Variants in TOP1MT observed in about 807,000 individuals in gnomAD.
TOP1MT encodes DNA topoisomerase I mitochondrial.
Under a neutral mutation model 73.9 loss-of-function variants are expected in TOP1MT, and 80 were observed. The ratio of observed to expected loss-of-function variants is 1.08; its 90% CI spans 0.90 to 1.30. The LOEUF (loss-of-function observed/expected upper bound fraction) is 1.30. Among genes scored for constraint, TOP1MT ranks in the 50% most tolerant of loss-of-function variants. The probability of loss-of-function intolerance (pLI) is 0.00; values close to 1 mark genes in which losing one functional copy is unlikely to be tolerated. For missense variants in TOP1MT, 815 were observed against 808.0 expected (o/e 1.01, Z -0.10); for synonymous variants, 338 against 326.4 (o/e 1.04, Z -0.38).
At chr8:143,336,998 C>T (rs1255837133), upstream of TOP1MT, among the ~76,000 whole-genome samples, 2 of 152,114 alleles carry the variant, frequency 1.3e-5, no homozygotes, top group African/African-American at 4.8e-5. Flanking sequence ...AAATAAAATA[C>T]TGCACAATAA....
chr8:143,311,472 G>A (rs1273560868), intron 12 of TOP1MT, among the ~76,000 whole-genome samples: 1 of 152,196 alleles, frequency 6.6e-6, no homozygotes. Context: ...GCCAGGCCAG[G>A]AGCAGTGGCT....
chr8:143,335,292 C>T (rs1414327658), upstream of TOP1MT, among the ~76,000 whole-genome samples: 1 of 152,220 alleles, frequency 6.6e-6, no homozygotes, highest in African/African-American at 2.4e-5. Context: ...GAAGGGACCA[C>T]ACAGGCTCAG....
In TOP1MT at chr8:143,310,803, A is replaced by G. The variant is rs556642425; in HGVS notation, c.1554-586T>C. Among the ~76,000 whole-genome samples, 47 of 152,372 alleles carry G rather than the reference A, an allele frequency of 3.1e-4. No homozygotes were observed. In the South Asian group the frequency reaches 3.9e-3, roughly 13 times the overall value. On this transcript the variant is annotated intron_variant, in intron 12 of 13. Transcript: ENST00000329245. ...GGGCAGCCCGCCGGGCCAGAAGCAT[A>G]GGTCCGGGGAAGTGCCTTCCCAGCA...
upstream of TOP1MT, chr8:143,359,357 A>G (rs2130496923): frequency 1.0e-6 from 1 of 985,326 alleles, no homozygotes; most frequent in Non-Finnish European, 1.2e-6. Flanking sequence ...GAAAAGGCCA[A>G]CTCCGGGAAG....
At chr8:143,340,394 C>T (rs921176372) in intron 2 of TOP1MT, among the ~76,000 whole-genome samples, 1 of 151,878 alleles carries the variant, frequency 6.6e-6, no homozygotes, top group African/African-American at 2.4e-5. Context: ...GGGTAGGGTA[C>T]ACACCATTTC....
intron 12 of TOP1MT, among the ~76,000 whole-genome samples, chr8:143,314,963 C>T (rs1300837622): frequency 4.6e-5 from 7 of 152,146 alleles, no homozygotes; most frequent in African/African-American, 1.2e-4. Context: ...CTGTTATGCC[C>T]AGACAGGGCC....
At chr8:143,311,876 T>G (rs1437909759) in intron 12 of TOP1MT, among the ~76,000 whole-genome samples, 6 of 152,152 alleles carry the variant, frequency 3.9e-5, no homozygotes, top group Non-Finnish European at 7.3e-5. Flanking sequence ...TTAGACACCC[T>G]AGACTAAACA....
chr8:143,310,246 C>T (rs1381891944), intron 12 of TOP1MT, 29 bp from the exon 13 acceptor site: 9 of 1,474,258 alleles, frequency 6.1e-6, no homozygotes, highest in African/African-American at 1.4e-5. Flanking sequence ...GCCGCGAGGC[C>T]CCGCGCTGGA....
chr8:143,320,841 T>A (rs1319058461), intron 8 of TOP1MT, among the ~76,000 whole-genome samples: 1 of 152,162 alleles, frequency 6.6e-6, no homozygotes, highest in Admixed American at 6.5e-5. Flanking sequence ...TGCCAGCACC[T>A]TGACTCAGAC....
At chr8:143,337,949 G>A (rs779498085), upstream of TOP1MT, among the ~76,000 whole-genome samples, 5 of 152,082 alleles carry the variant, frequency 3.3e-5, no homozygotes, top group South Asian at 4.1e-4. Context: ...CCCCAGTTAC[G>A]TAGCCCCCAC....
chr8:143,322,631 CACACACACACGCCA>C (rs1816496757), intron 7 of TOP1MT, among the ~76,000 whole-genome samples: 1 of 37,664 alleles, frequency 2.7e-5, no homozygotes, highest in African/African-American at 2.3e-4. Flanking sequence ...ACAGGCACGT[CACACACACACGCCA>C]CACGCACACC....
At chr8:143,340,710 G>C (rs1248297872) in intron 2 of TOP1MT, among the ~76,000 whole-genome samples, 7 of 152,172 alleles carry the variant, frequency 4.6e-5, no homozygotes, top group African/African-American at 1.7e-4. Flanking sequence ...TCCAGGTCCT[G>C]AGCTTTTCAT....
upstream of TOP1MT, among the ~76,000 whole-genome samples, chr8:143,345,386 A>G (rs1215198126): frequency 6.6e-6 from 1 of 152,200 alleles, no homozygotes; most frequent in Admixed American, 6.5e-5. Context: ...TGGGCACAGG[A>G]GCCCAGCAAT....
chr8:143,352,499 T>C (rs781432388), intron 1 of TOP1MT, among the ~76,000 whole-genome samples: 2 of 152,176 alleles, frequency 1.3e-5, no homozygotes, highest in Non-Finnish European at 2.9e-5. Flanking sequence ...TTAGGCCTCT[T>C]CCTCACATCA....
In TOP1MT at chr8:143,309,395, A is replaced by T. The variant is rs546728412; in HGVS notation, c.*46T>A. 1 of 1,590,756 alleles carries T rather than the reference A, an allele frequency of 6.3e-7. No homozygotes were observed. Among genetic ancestry groups the T allele is most frequent in the South Asian group, 1.1e-5 (1 of 90,450 alleles). The stretch of plus-strand genomic sequence containing the variant: ...ATTCCCCAGTACTGCTTTAATAGTG[A>T]AAAAAACACACACACATACAAAAGA... On this transcript the variant is annotated 3_prime_UTR_variant, in exon 14 of 14. Transcript: ENST00000329245.
At chr8:143,336,522 A>C (rs1816984228), upstream of TOP1MT, among the ~76,000 whole-genome samples, 1 of 152,184 alleles carries the variant, frequency 6.6e-6, no homozygotes, top group African/African-American at 2.4e-5. Context: ...GAAATGAAGA[A>C]TAAGACGAGG....
At chr8:143,321,826 CTA>C (rs1174344424) in intron 7 of TOP1MT, among the ~76,000 whole-genome samples, 3 of 35,288 alleles carry the variant, frequency 8.5e-5, no homozygotes, top group Admixed American at 4.9e-4. Context: ...CACACGCACG[CTA>C]CACACACACG....
intron 7 of TOP1MT, among the ~76,000 whole-genome samples, chr8:143,322,377 C>T (rs1816463686): frequency 4.3e-5 from 4 of 92,584 alleles, no homozygotes; most frequent in South Asian, 5.8e-4. Context: ...CACAGGCACG[C>T]CACACACGCA....
At position 143,316,035 on chromosome 8, in the gene TOP1MT, A is replaced by C; in HGVS notation, c.1422T>G (p.Ser474Arg). 3.1e-6 allele frequency: 5 copies of C among 1,614,128 alleles called. No individual in the cohort carries two copies. The highest frequency in any genetic ancestry group is 4.2e-6 in the Non-Finnish European group (5 of 1,179,984). The change falls in exon 11 of 14, where the codon AGT becomes AGG. Residue 474 changes from serine to arginine, a missense_variant. Physicochemically the swap from Ser to Arg is moderately radical, Grantham distance 110. Around this residue, in one of 3 missense-constraint regions of TOP1MT, gnomAD observed 751 missense variants for 725.4 expected, o/e 1.04. Coordinates refer to ENST00000329245, the MANE Select transcript of TOP1MT (RefSeq NM_052963.3). Reference sequence around the variant, plus strand: ...GATTCTGCATCGACTTCTCGAACGTACTGGGGGTTGCTCGCTGATGGTTGC... The same window carrying C: ...GATTCTGCATCGACTTCTCGAACGTCCTGGGGGTTGCTCGCTGATGGTTGC... ...ILCNHQRATP[S>R]TFEKSMQNLQ...
Sources: allele counts gnomAD v4.1 joint callset (sites outside exome capture counted in the v4.1 genomes callset), GRCh38; gene constraint gnomAD v4.1.1; regional missense constraint gnomAD v4.1.1; transcripts MANE v1.5; gene names NCBI Gene and HGNC (gene_info 2026-07-23, HGNC 2026-07-21).